Variants in SHPRH observed in about 807,000 individuals in gnomAD.
The protein encoded by SHPRH is SNF2 histone linker PHD RING helicase.
In SHPRH, 106 loss-of-function variants were observed where a neutral mutation model predicts 202.5. The ratio of observed to expected loss-of-function variants is 0.52; its 90% CI spans 0.45 to 0.62. SHPRH has a LOEUF of 0.62. SHPRH is among the 20% of genes least tolerant of loss of function. The pLI, the probability that SHPRH is intolerant of heterozygous loss-of-function variation, is 0.00. For missense variants in SHPRH, 1,710 were observed against 2,020.0 expected (o/e 0.85, Z 2.94); for synonymous variants, 729 against 686.0 (o/e 1.06, Z -0.98).
Position 145,925,968 on chromosome 6 carries a change from A to G in SHPRH, c.3294+236T>C, listed in dbSNP as rs183530514. Among the ~76,000 whole-genome samples, 32 of 152,092 alleles carry G rather than the reference A, an allele frequency of 2.1e-4. No individual in the cohort carries two copies. In the East Asian group the frequency reaches 5.6e-3, roughly 27 times the overall value. On this transcript the variant is annotated intron_variant, in intron 16 of 29. Coordinates refer to ENST00000275233, the MANE Select transcript of SHPRH (RefSeq NM_001042683.3). ...CCCATTCTGTTGGCTACCAACAGCC[A>G]TATCTACAACAAGCATTTATCACAT... is the stretch of plus-strand genomic sequence containing the variant.
chr6:145,940,647 A>T, intron 11 of SHPRH, 76 bp downstream of exon 11: 1 of 1,413,914 alleles, frequency 7.1e-7, no homozygotes, highest in Non-Finnish European at 9.9e-7. Context: ...AGCAAAGGTT[A>T]AGCATAACAA....
At position 145,941,853 on chromosome 6, in the gene SHPRH, C is replaced by T. The variant is rs780292444; in HGVS notation, c.2260G>A (p.Asp754Asn). The change falls in exon 10 of 30, where the codon GAT becomes AAT. Residue 754 changes from aspartate to asparagine, a missense_variant. Coordinates refer to ENST00000275233, the MANE Select transcript of SHPRH (RefSeq NM_001042683.3). ...AAAAAATGAGGTTGTAAAAAGCCAT[C>T]TTTCTTCACTCCTTGATATACCTAG... ...RVLVYQGVKK[D>N]GFLQPHFLAE... The T allele has an allele frequency of 1.0e-4, 168 of 1,613,686 alleles. No individual in the cohort carries two copies. Among genetic ancestry groups the T allele is most frequent in the Non-Finnish European group, 1.4e-4 (164 of 1,179,888 alleles).
At chr6:145,945,880 AAAC>A (rs1787319930) in intron 7 of SHPRH, among the ~76,000 whole-genome samples, 1 of 152,120 alleles carries the variant, frequency 6.6e-6, no homozygotes, top group Non-Finnish European at 1.5e-5. Flanking sequence ...TAATACTATA[AAAC>A]AATCATTCAA....
rs201742666 is a variant in SHPRH, at chr6:145,872,232, AG to A, written c.222-7742del. ...AACTAAAGAGCTTCTGCACAGCAAA[AG>A]GAACTATTAACAGAGTAAACAGACA... On this transcript the variant is annotated intron_variant, in intron 2 of 2. Transcript: ENST00000417762. Among the ~76,000 whole-genome samples the A allele has an allele frequency of 8.7e-3, 1,320 of 152,324 alleles. 13 individuals carry two copies. Among genetic ancestry groups the A allele is most frequent in the African/African-American group, 0.03 (1,264 of 41,570 alleles).
In SHPRH at chr6:145,893,288, A is replaced by G. The variant is rs1416755658; in HGVS notation, c.4801T>C (p.Leu1601=). ...GCAGGGTTCAATATGGGCTCCACCAAGAGAACATGAGTTGCTTCAATGATA... is the reference window on the plus strand; with the variant it reads ...GCAGGGTTCAATATGGGCTCCACCAGGAGAACATGAGTTGCTTCAATGATA... ...LTIIEATHVL[L]VEPILNPAHE... Residue 1601 remains leucine (L), a synonymous_variant, in exon 28 of 30, where the codon TTG becomes CTG. Coordinates refer to ENST00000275233, the MANE Select transcript of SHPRH (RefSeq NM_001042683.3). The G allele has an allele frequency of 1.9e-6, 3 of 1,606,186 alleles. No individual in the cohort carries two copies. The highest frequency in any genetic ancestry group is 2.5e-6 in the Non-Finnish European group (3 of 1,176,602).
intron 4 of SHPRH, among the ~76,000 whole-genome samples, chr6:145,948,736 A>T (rs1414327301): frequency 6.6e-6 from 1 of 152,082 alleles, no homozygotes; most frequent in African/African-American, 2.4e-5. Flanking sequence ...TGAATAACTC[A>T]ATAGACATAT....
At chr6:145,929,527 T>C (rs1785218319) in intron 14 of SHPRH, among the ~76,000 whole-genome samples, 1 of 152,116 alleles carries the variant, frequency 6.6e-6, no homozygotes. Flanking sequence ...GTTATATATG[T>C]AATGTTACTT....
At chr6:145,928,380 C>CA (rs1300123201) in intron 14 of SHPRH, among the ~76,000 whole-genome samples, 1 of 150,708 alleles carries the variant, frequency 6.6e-6, no homozygotes, top group Non-Finnish European at 1.5e-5. Context: ...CAAAACCATG[C>CA]AATCCATACC....
chr6:145,963,286 T>TTA (rs1442929797), intron 1 of SHPRH, among the ~76,000 whole-genome samples: 1 of 152,214 alleles, frequency 6.6e-6, no homozygotes, highest in Non-Finnish European at 1.5e-5. Flanking sequence ...TTCCTACTAA[T>TTA]GCCCACTGGA....
chr6:145,940,839 GA>G, intron 10 of SHPRH, 38 bp from the exon 11 acceptor site: 1 of 1,602,850 alleles, frequency 6.2e-7, no homozygotes, highest in Non-Finnish European at 8.5e-7. Flanking sequence ...ATGAAATCCA[GA>G]AAACCACAGA....
chr6:145,894,225 T>C lies in SHPRH; in HGVS notation c.4620A>G (p.Val1540=), dbSNP rs1388350492. ...KALVFSTWQD[V]LDIISKALTD... ...TAAGAGCTTTTGAAATAATATCTAATACATCTTGCCACTAGAACACATAAA... is the reference window on the plus strand; with the variant it reads ...TAAGAGCTTTTGAAATAATATCTAACACATCTTGCCACTAGAACACATAAA... The change falls in exon 27 of 30, where the codon GTA becomes GTG. Residue 1540 remains valine, a synonymous_variant. Transcript: ENST00000275233. 3.2e-5 allele frequency: 51 copies of C among 1,601,124 alleles called. No homozygotes were observed. The highest frequency in any genetic ancestry group is 4.6e-5 in the East Asian group (2 of 43,822).
At chr6:145,947,675 A>T in intron 5 of SHPRH, 32 bp from the exon 6 acceptor site, 1 of 1,606,664 alleles carries the variant, frequency 6.2e-7, no homozygotes. Flanking sequence ...ATCACATCAT[A>T]GGAATGTGAA....
intron 11 of SHPRH, among the ~76,000 whole-genome samples, chr6:145,939,660 C>T (rs1786526021): frequency 6.6e-6 from 1 of 152,072 alleles, no homozygotes; most frequent in Non-Finnish European, 1.5e-5. Context: ...CGACAGTTTC[C>T]AAACATGAAA....
chr6:145,913,691 T>G, intron 23 of SHPRH, 142 bp from the exon 24 acceptor site: 1 of 525,720 alleles, frequency 1.9e-6, no homozygotes, highest in Non-Finnish European at 3.2e-6. Context: ...CATCGATCTC[T>G]ATATTACCTA....
At chr6:145,932,968 C>A in intron 14 of SHPRH, 89 bp downstream of exon 14, 4 of 1,408,550 alleles carry the variant, frequency 2.8e-6, no homozygotes, top group South Asian at 2.8e-5. Flanking sequence ...GAAAAATCCC[C>A]CCCCCAAAAA....
At position 145,943,125 on chromosome 6, in the gene SHPRH, T is replaced by C; in HGVS notation, c.2238+18A>G. The C allele has an allele frequency of 6.5e-7, 1 of 1,546,476 alleles. No homozygotes were observed. Among genetic ancestry groups the C allele is most frequent in the Non-Finnish European group, 8.7e-7 (1 of 1,148,002 alleles). On this transcript the variant is annotated intron_variant, in intron 9 of 29. Transcript: ENST00000275233. The stretch of plus-strand genomic sequence containing the variant: ...AACTTTACATTTTCCTCTCCCTCTT[T>C]AGTCCAAGTGGCCTTACCAAGACTC...
intron 18 of SHPRH, among the ~76,000 whole-genome samples, 176 bp downstream of exon 18, chr6:145,923,467 C>G (rs1784601898): frequency 6.6e-6 from 1 of 151,576 alleles, no homozygotes; most frequent in Non-Finnish European, 1.5e-5. Context: ...GTACCTATAA[C>G]CATTTTGATA....
intron 28 of SHPRH, among the ~76,000 whole-genome samples, chr6:145,889,419 T>C (rs1189179870): frequency 2.0e-5 from 3 of 152,126 alleles, no homozygotes; most frequent in African/African-American, 4.8e-5. Flanking sequence ...TATTAAGACA[T>C]ATTTATGGGG....
At chr6:145,942,381 A>T (rs913782231) in intron 9 of SHPRH, among the ~76,000 whole-genome samples, 1 of 152,228 alleles carries the variant, frequency 6.6e-6, no homozygotes, top group Admixed American at 6.5e-5. Context: ...TATCCCACAC[A>T]TAAGAAAAAT....
Sources: gnomAD v4.1 joint callset for allele counts (sites outside exome capture counted in the v4.1 genomes callset) on GRCh38, gnomAD v4.1.1 for gene constraint, MANE v1.5 for transcripts, NCBI Gene and HGNC (gene_info 2026-07-23, HGNC 2026-07-21) for gene names.